The following RSPH9 variants were observed in gnomAD, a reference collection of about 807,000 sequenced individuals.
RSPH9 encodes the protein radial spoke head protein 9 homolog.
A neutral mutation model predicts 27.0 loss-of-function variants in RSPH9; 27 were observed. That is an observed-to-expected ratio of 1.00 (90% confidence interval 0.74 to 1.38). RSPH9 has a LOEUF of 1.38. Ranked by LOEUF, RSPH9 falls within the 40% of genes most tolerant of loss-of-function variation. The probability of loss-of-function intolerance (pLI) is 0.00; values close to 1 mark genes in which losing one functional copy is unlikely to be tolerated. For synonymous variants in RSPH9, 145 were observed against 147.7 expected, an observed-to-expected ratio of 0.98 and a Z score of 0.13; for missense variants, 347 against 357.4, an observed-to-expected ratio of 0.97 and a Z score of 0.24.
chr6:43,658,291 C>CAAAAAAAAAAAAAAAAA (rs58592648), intron 4 of RSPH9, among the ~76,000 whole-genome samples: 2 of 24,852 alleles, frequency 8.0e-5, no homozygotes, highest in Non-Finnish European at 8.1e-5. Context: ...AACTCCGTCT[C>CAAAAAAAAAAAAAAAAA]AAAAAAAAAA....
chr6:43,652,735 T>G (rs984860286), intron 2 of RSPH9, among the ~76,000 whole-genome samples: 3 of 151,480 alleles, frequency 2.0e-5, no homozygotes, highest in Admixed American at 6.6e-5. Context: ...TTCCGGTTTT[T>G]TTTTTTTTTT....
At chr6:43,650,590 A>G (rs760341022) in intron 2 of RSPH9, 50 bp downstream of exon 2, 122 of 1,601,884 alleles carry the variant, frequency 7.6e-5, no homozygotes, top group Admixed American at 1.2e-4. Context: ...GCCTGGGCTC[A>G]TCCAAAACCC....
At chr6:43,646,172 C>G (rs541932253) in intron 1 of RSPH9, among the ~76,000 whole-genome samples, 63 of 152,080 alleles carry the variant, frequency 4.1e-4, no homozygotes, top group Non-Finnish European at 7.9e-4. Flanking sequence ...CGCTCTGTCG[C>G]CCAGGCTGGA....
At chr6:43,660,718 C>T (rs1772529471) in intron 4 of RSPH9, among the ~76,000 whole-genome samples, 2 of 152,188 alleles carry the variant, frequency 1.3e-5, no homozygotes, top group South Asian at 4.1e-4. Flanking sequence ...CAGTCTCGGC[C>T]TCCGAAAGTG....
chr6:43,646,737 C>T (rs964982229), intron 1 of RSPH9, among the ~76,000 whole-genome samples: 1 of 148,044 alleles, frequency 6.8e-6, no homozygotes, highest in East Asian at 2.0e-4. Context: ...CAGAGTTGGG[C>T]GGATCACGAG....
chr6:43,645,284 C>T lies in RSPH9; in HGVS notation c.186C>T (p.Gly62=). 6.2e-7 allele frequency: 1 copy of T among 1,612,272 alleles called. No individual in the cohort carries two copies. Among genetic ancestry groups the T allele is most frequent in the Non-Finnish European group, 8.5e-7 (1 of 1,178,864 alleles). ...TCGCCGATTACTACATCGCGCAGGG[C>T]CTGAGTGAGGACCAGCTCGCACCGC... is the stretch of plus-strand genomic sequence containing the variant. ...GLVADYYIAQ[G]LSEDQLAPRK... is the part of the protein sequence containing the mutation. Residue 62 remains glycine (G), a synonymous_variant, in exon 1 of 5, where the codon GGC becomes GGT. Coordinates refer to ENST00000372163, the MANE Select transcript of RSPH9 (RefSeq NM_152732.5).
At chr6:43,664,352 T>C (rs1772926849) in intron 4 of RSPH9, among the ~76,000 whole-genome samples, 1 of 152,156 alleles carries the variant, frequency 6.6e-6, no homozygotes, top group Non-Finnish European at 1.5e-5. Context: ...TGTCTCAGCC[T>C]CCTGAGTAGC....
rs1189236206 is a variant in RSPH9, at chr6:43,645,236, C to T, written c.138C>T (p.Phe46=). 3.7e-6 allele frequency: 6 copies of T among 1,613,978 alleles called. No homozygotes were observed. Among genetic ancestry groups the T allele is most frequent in the Non-Finnish European group, 5.1e-6 (6 of 1,180,020 alleles). ...KRDYRYDRVL[F]WGRILGLVAD... is the part of the protein sequence containing the mutation. The stretch of plus-strand genomic sequence containing the variant: ...ACTACCGCTATGATCGGGTTCTCTT[C>T]TGGGGCCGCATCCTTGGCCTCGTCG... Residue 46 remains phenylalanine (F), a synonymous_variant, in exon 1 of 5, where the codon TTC becomes TTT. Transcript: ENST00000372163.
chr6:43,672,229 T>A lies in RSPH9; in HGVS notation c.*1280T>A. 2.2e-6 allele frequency: 1 copy of A among 448,374 alleles called. No individual in the cohort carries two copies. 27.8% of individuals were successfully genotyped at this position (448,374 alleles called of 1,614,324 possible). On this transcript the variant is annotated 3_prime_UTR_variant, in exon 5 of 5. Transcript: ENST00000372163. The stretch of plus-strand genomic sequence containing the variant: ...GCGAAGAGGCTGCCTGAAGAGCAGA[T>A]CATTCCTCTCTGGCCTCAGCCATGG...
At chr6:43,647,833 G>T (rs1056251771) in intron 1 of RSPH9, among the ~76,000 whole-genome samples, 2 of 152,226 alleles carry the variant, frequency 1.3e-5, no homozygotes, top group Non-Finnish European at 2.9e-5. Flanking sequence ...TAGGCACCAG[G>T]AGTTCAGTGG....
chr6:43,659,534 C>T (rs1048139464), intron 4 of RSPH9, among the ~76,000 whole-genome samples: 6 of 151,472 alleles, frequency 4.0e-5, no homozygotes, highest in Non-Finnish European at 7.4e-5. Context: ...AGGCGCCCGC[C>T]GCCACGGCTG....
intron 4 of RSPH9, among the ~76,000 whole-genome samples, chr6:43,657,666 G>A (rs1258194209): frequency 2.0e-5 from 3 of 152,184 alleles, no homozygotes; most frequent in African/African-American, 7.2e-5. Flanking sequence ...GATGGGGATG[G>A]GGATGACAAG....
intron 4 of RSPH9, among the ~76,000 whole-genome samples, chr6:43,658,058 G>C (rs1772206291): frequency 6.6e-6 from 1 of 152,190 alleles, no homozygotes; most frequent in African/African-American, 2.4e-5. Context: ...GGGAGGCCAA[G>C]GTGGGCAGAT....
chr6:43,670,327 C>A (rs541446350), intron 4 of RSPH9, among the ~76,000 whole-genome samples: 1 of 152,200 alleles, frequency 6.6e-6, no homozygotes, highest in African/African-American at 2.4e-5. Flanking sequence ...AAGGGCTGGG[C>A]GTGGTGGCTC....
intron 4 of RSPH9, among the ~76,000 whole-genome samples, chr6:43,665,755 C>T (rs1397821490): frequency 6.6e-6 from 1 of 152,146 alleles, no homozygotes; most frequent in Non-Finnish European, 1.5e-5. Flanking sequence ...CCTTGGGAAA[C>T]CTCCCCATAC....
intron 4 of RSPH9, among the ~76,000 whole-genome samples, chr6:43,669,375 G>C (rs906421663): frequency 6.6e-6 from 1 of 152,228 alleles, no homozygotes; most frequent in Admixed American, 6.5e-5. Context: ...TGCACCCTGA[G>C]TAAGGGTGCA....
In RSPH9 at chr6:43,645,317, G is replaced by T. The variant is rs1173481906; in HGVS notation, c.219G>T (p.Thr73=). Residue 73 remains threonine, a synonymous_variant, in exon 1 of 5, where the codon ACG becomes ACT. Transcript: ENST00000372163. Reference sequence around the variant, plus strand: ...AGGACCAGCTCGCACCGCGCAAGACGCTCTATAGGTGAGGAGGCCCCCGGG... The same window carrying T: ...AGGACCAGCTCGCACCGCGCAAGACTCTCTATAGGTGAGGAGGCCCCCGGG... ...LSEDQLAPRK[T]LYSLNCTEWS... is the part of the protein sequence containing the mutation. 2 of 1,451,748 alleles carry T rather than the reference G, an allele frequency of 1.4e-6. No homozygotes were observed. The highest frequency in any genetic ancestry group is 1.8e-5 in the Admixed American group (1 of 54,258). The allele number at this position is 1,451,748 out of a possible 1,614,324, so 89.9% of individuals were successfully genotyped here. A position where few individuals can be genotyped will look rare whatever the true frequency, so the allele number is the denominator to read the frequency against.
chr6:43,667,565 G>T (rs929649897), intron 4 of RSPH9, among the ~76,000 whole-genome samples: 1 of 152,222 alleles, frequency 6.6e-6, no homozygotes, highest in Non-Finnish European at 1.5e-5. Flanking sequence ...ATGTGCGCAG[G>T]TGGCTCTTCC....
At chr6:43,652,024 T>C (rs919667780) in intron 2 of RSPH9, among the ~76,000 whole-genome samples, 1 of 151,004 alleles carries the variant, frequency 6.6e-6, no homozygotes, top group Non-Finnish European at 1.5e-5. Context: ...CCCTGGGCAT[T>C]GGCCAGGCAC....
Sources: gnomAD v4.1 joint callset for allele counts (sites outside exome capture counted in the v4.1 genomes callset) on GRCh38, gnomAD v4.1.1 for gene constraint, MANE v1.5 for transcripts, NCBI Gene and HGNC (gene_info 2026-07-23, HGNC 2026-07-21) for gene names.